The following PHLDB2 variants were observed in gnomAD, a reference collection of about 807,000 sequenced individuals.
PHLDB2 encodes the protein pleckstrin homology like domain family B member 2, also known as pleckstrin homology-like domain family B member 2.
A neutral mutation model predicts 123.6 loss-of-function variants in PHLDB2; 71 were observed. That is an observed-to-expected ratio of 0.57 (90% CI 0.47 to 0.70). The LOEUF is 0.70. Ranked by LOEUF, PHLDB2 falls within the 30% of genes least tolerant of loss-of-function variation. The pLI is 0.00. For missense variants in PHLDB2, 1,446 were observed against 1,519.5 expected (o/e 0.95, Z 0.80); for synonymous variants, 547 against 541.6 (o/e 1.01, Z -0.14).
upstream of PHLDB2, among the ~76,000 whole-genome samples, chr3:111,857,127 C>T (rs2064547596): frequency 6.6e-6 from 1 of 151,998 alleles, no homozygotes; most frequent in Admixed American, 6.6e-5. Flanking sequence ...GTCTACGAGG[C>T]CACTGTGGCA....
intron 2 of PHLDB2, among the ~76,000 whole-genome samples, chr3:111,907,268 G>A (rs2067598949): frequency 6.6e-6 from 1 of 152,148 alleles, no homozygotes; most frequent in Non-Finnish European, 1.5e-5. Context: ...TGACAGCTAT[G>A]ATAAGCACAG....
chr3:111,901,871 A>T (rs1380185951), intron 2 of PHLDB2, among the ~76,000 whole-genome samples: 1 of 152,252 alleles, frequency 6.6e-6, no homozygotes, highest in Admixed American at 6.5e-5. Context: ...TATGGAAATT[A>T]TGATGATACG....
chr3:111,757,784 T>C (rs2059921321), intron 1 of PHLDB2, among the ~76,000 whole-genome samples: 1 of 152,226 alleles, frequency 6.6e-6, no homozygotes, highest in Non-Finnish European at 1.5e-5. Context: ...TTAGTTTTCC[T>C]TCTAACAGAC....
intron 1 of PHLDB2, among the ~76,000 whole-genome samples, chr3:111,808,428 T>C (rs2061689248): frequency 6.6e-6 from 1 of 151,978 alleles, no homozygotes; most frequent in Non-Finnish European, 1.5e-5. Flanking sequence ...CACCTCCACA[T>C]CCTGTGCTGC....
At position 111,780,288 on chromosome 3, in the gene PHLDB2, A is replaced by AG. The variant is rs2060364986; in HGVS notation, c.-49+47586dup. Reference sequence around the variant, plus strand: ...GAAGAAGAAAAGAAGAAGAAGAAGAAGAAGAAGAGGAAGAGGAAGAGGAAG... The same window carrying AG: ...GAAGAAGAAAAGAAGAAGAAGAAGAAGGAAGAAGAGGAAGAGGAAGAGGAAG... On this transcript the variant is annotated intron_variant, in intron 1 of 17. Transcript: ENST00000393923. Among the ~76,000 whole-genome samples the AG allele has an allele frequency of 2.1e-3, 9 of 4,216 alleles. 3 individuals are homozygous for AG. The South Asian group carries it at 0.047, about 22-fold the overall frequency. The allele number at this position is 4,216 out of a possible 152,430, so 2.8% of individuals were successfully genotyped here.
At chr3:111,790,175 T>G (rs1559832476) in intron 1 of PHLDB2, among the ~76,000 whole-genome samples, 1 of 152,184 alleles carries the variant, frequency 6.6e-6, no homozygotes, top group Non-Finnish European at 1.5e-5. Flanking sequence ...CTCTGGGTTT[T>G]CATAACCCTG....
At chr3:111,948,397 T>C (rs548015272) in intron 9 of PHLDB2, among the ~76,000 whole-genome samples, 6 of 152,334 alleles carry the variant, frequency 3.9e-5, no homozygotes, top group African/African-American at 1.4e-4. Flanking sequence ...TGTAAATAAT[T>C]ACTGTTTTAA....
At chr3:111,893,900 T>TTTTTTTTATTTA (rs2066648517) in intron 2 of PHLDB2, among the ~76,000 whole-genome samples, 1 of 136,632 alleles carries the variant, frequency 7.3e-6, no homozygotes, top group Non-Finnish European at 1.6e-5. Flanking sequence ...TTGGATTTAT[T>TTTTTTTTATTTA]TTTATTTATT....
chr3:111,732,818 G>C lies in PHLDB2; in HGVS notation c.-49+115G>C, dbSNP rs553682998. On this transcript the variant is annotated intron_variant, in intron 1 of 17. Coordinates refer to the PHLDB2 transcript ENST00000393923. The stretch of plus-strand genomic sequence containing the variant: ...GGTCTGCTGGAGATATGGTAGACCC[G>C]GGTGTGTGTCTGAATTCAGTCATTT... The C allele has an allele frequency of 2.7e-5, 22 of 815,298 alleles. 1 individual carries two copies. The highest frequency in any genetic ancestry group is 2.2e-4 in the African/African-American group (13 of 59,578). The allele number at this position is 815,298 out of a possible 1,614,324, so 50.5% of individuals were successfully genotyped here.
chr3:111,955,998 C>T (rs1305180164), intron 12 of PHLDB2, among the ~76,000 whole-genome samples: 2 of 152,104 alleles, frequency 1.3e-5, no homozygotes, highest in Non-Finnish European at 2.9e-5. Flanking sequence ...AATTTGAGAC[C>T]AGCCTGGGCA....
chr3:111,855,906 C>G (rs1166506725), upstream of PHLDB2, among the ~76,000 whole-genome samples: 3 of 152,138 alleles, frequency 2.0e-5, no homozygotes, highest in East Asian at 5.8e-4. Context: ...GTTGGGATTA[C>G]AGGCATGAGC....
At chr3:111,912,237 T>C (rs1255412507) in intron 2 of PHLDB2, among the ~76,000 whole-genome samples, 1 of 152,234 alleles carries the variant, frequency 6.6e-6, no homozygotes, top group Non-Finnish European at 1.5e-5. Context: ...AGAAGCATTT[T>C]GTAAATTATA....
chr3:111,943,729 A>C (rs1031136191), intron 8 of PHLDB2, among the ~76,000 whole-genome samples: 1 of 152,226 alleles, frequency 6.6e-6, no homozygotes, highest in East Asian at 1.9e-4. Flanking sequence ...AAAGAAGTGA[A>C]AATCTCAAAT....
chr3:111,887,724 A>G (rs1273379100), intron 2 of PHLDB2, among the ~76,000 whole-genome samples: 25 of 152,286 alleles, frequency 1.6e-4, no homozygotes, highest in Non-Finnish European at 3.5e-4. Context: ...TATGTAATTA[A>G]TTCTTATTCC....
chr3:111,969,109 G>A (rs1047595294), intron 15 of PHLDB2, among the ~76,000 whole-genome samples: 2 of 152,200 alleles, frequency 1.3e-5, no homozygotes, highest in African/African-American at 4.8e-5. Flanking sequence ...ATTAGGTCCA[G>A]TTTTGATTCC....
intron 16 of PHLDB2, among the ~76,000 whole-genome samples, chr3:111,970,952 C>T (rs559477736): frequency 6.6e-6 from 1 of 151,958 alleles, no homozygotes; most frequent in African/African-American, 2.4e-5. Flanking sequence ...GAAAGAGTGG[C>T]TCAGGAGCCC....
rs1001592165 is a variant in PHLDB2 at position 111,932,462 on chromosome 3, A to G, written c.2130+65A>G. On this transcript the variant is annotated intron_variant, in intron 6 of 17. Coordinates refer to ENST00000431670, the MANE Select transcript of PHLDB2 (RefSeq NM_001134438.2). ...CGTTTTTGTTTTTCACTTAAGTGCC[A>G]CTTACCTGTGACTTACGACTTCATA... The G allele has an allele frequency of 7.4e-6, 11 of 1,495,942 alleles. No individual in the cohort carries two copies. In the Admixed American group the frequency reaches 8.6e-5, roughly 12 times the overall value. 92.7% of individuals were successfully genotyped at this position (1,495,942 alleles called of 1,614,324 possible).
chr3:111,832,338 G>A (rs1160968850), intron 1 of PHLDB2, among the ~76,000 whole-genome samples: 1 of 145,090 alleles, frequency 6.9e-6, no homozygotes, highest in African/African-American at 2.5e-5. Context: ...TTGCTTTAAT[G>A]GTATGAAATT....
At position 111,881,064 on chromosome 3, in the gene PHLDB2, T is replaced by C. The variant is rs2065905660; in HGVS notation, c.-14-3000T>C. 1.3e-5 allele frequency among the ~76,000 whole-genome samples: 2 copies of C among 152,246 alleles called. 1 individual carries two copies. Among genetic ancestry groups the C allele is most frequent in the South Asian group, 4.1e-4 (2 of 4,826 alleles). On this transcript the variant is annotated intron_variant, in intron 1 of 17. Coordinates refer to ENST00000431670, the MANE Select transcript of PHLDB2 (RefSeq NM_001134438.2). ...GTATGCCTTTTTTATAGCAATCCTG[T>C]GCCCACTTAAAATGTGCATTTTCAC...
Sources: gnomAD v4.1 joint callset for allele counts (sites outside exome capture counted in the v4.1 genomes callset) on GRCh38, gnomAD v4.1.1 for gene constraint, MANE v1.5 for transcripts, NCBI Gene and HGNC (gene_info 2026-07-23, HGNC 2026-07-21) for gene names.